The following SORCS3 variants were observed in gnomAD, a reference collection of about 807,000 sequenced individuals.
The protein encoded by SORCS3 is VPS10 domain-containing receptor SorCS3.
In SORCS3, 57 loss-of-function variants were observed where a neutral mutation model predicts 146.3. The ratio of observed to expected loss-of-function variants is 0.39; its 90% CI spans 0.31 to 0.49. The LOEUF is 0.49. Among genes scored for constraint, SORCS3 ranks in the 20% least tolerant of loss-of-function variants. The pLI, the probability that SORCS3 is intolerant of heterozygous loss-of-function variation, is 0.92. For missense variants in SORCS3, 1,341 were observed against 1,575.5 expected (o/e 0.85, Z 2.52); for synonymous variants, 653 against 618.5 (o/e 1.06, Z -0.83).
At chr10:105,039,451 C>T (rs1589604969) in intron 4 of SORCS3, among the ~76,000 whole-genome samples, 5 of 96,544 alleles carry the variant, frequency 5.2e-5, no homozygotes, top group South Asian at 3.9e-4. Context: ...CTCTCGCTCT[C>T]TTTTTTTTTT....
chr10:104,725,979 T>C (rs2016626466), intron 1 of SORCS3, among the ~76,000 whole-genome samples: 1 of 152,216 alleles, frequency 6.6e-6, no homozygotes, highest in Non-Finnish European at 1.5e-5. Flanking sequence ...CTGCACCCAC[T>C]GTCCTGTACC....
intron 4 of SORCS3, among the ~76,000 whole-genome samples, chr10:105,016,307 C>T (rs575995352): frequency 4.0e-4 from 61 of 151,026 alleles, no homozygotes; most frequent in African/African-American, 9.0e-4. Context: ...CACACCACCA[C>T]GCCCAGCTAA....
At chr10:104,662,458 T>C (rs1291114668) in intron 1 of SORCS3, among the ~76,000 whole-genome samples, 1 of 152,184 alleles carries the variant, frequency 6.6e-6, no homozygotes, top group East Asian at 1.9e-4. Flanking sequence ...ACCTGACCCA[T>C]GTCACAAAGC....
At chr10:105,023,071 C>T (rs1018495702) in intron 4 of SORCS3, among the ~76,000 whole-genome samples, 4 of 152,188 alleles carry the variant, frequency 2.6e-5, no homozygotes, top group African/African-American at 9.6e-5. Flanking sequence ...TGCCTCTTCT[C>T]AGGCTCACCT....
intron 2 of SORCS3, among the ~76,000 whole-genome samples, chr10:104,858,863 C>T (rs113162996): frequency 0.046 from 6,863 of 150,616 alleles, 187 homozygotes; most frequent in East Asian, 0.13. Flanking sequence ...CCTCGTGATC[C>T]GCCCCCCTCA....
intron 1 of SORCS3, among the ~76,000 whole-genome samples, chr10:104,664,320 G>T (rs563951083): frequency 1.3e-5 from 2 of 152,314 alleles, no homozygotes; most frequent in African/African-American, 4.8e-5. Flanking sequence ...ATCAACCCAG[G>T]AGGGCAGCAA....
chr10:104,773,023 G>A (rs1450880949), intron 1 of SORCS3, among the ~76,000 whole-genome samples: 1 of 152,180 alleles, frequency 6.6e-6, no homozygotes, highest in East Asian at 1.9e-4. Context: ...AGGCATGCTG[G>A]GTACTGTGGG....
At chr10:104,647,274 C>G (rs2015506627) in intron 1 of SORCS3, among the ~76,000 whole-genome samples, 1 of 152,182 alleles carries the variant, frequency 6.6e-6, no homozygotes, top group Admixed American at 6.5e-5. Context: ...AGGGCAGCGT[C>G]TTCATTGTCC....
At chr10:105,105,372 G>A (rs1041151263) in intron 6 of SORCS3, 25 bp from the exon 7 acceptor site, 8 of 1,505,118 alleles carry the variant, frequency 5.3e-6, no homozygotes, top group Admixed American at 3.4e-5. Flanking sequence ...TTGTATCTAA[G>A]CATCACTCTA....
intron 5 of SORCS3, among the ~76,000 whole-genome samples, chr10:105,084,756 A>G (rs1401685946): frequency 6.9e-6 from 1 of 143,888 alleles, no homozygotes; most frequent in East Asian, 2.0e-4. Flanking sequence ...TTTGAGATGG[A>G]GTCTCGCTCT....
At chr10:104,969,879 CAG>C (rs1179466583) in intron 3 of SORCS3, among the ~76,000 whole-genome samples, 1 of 152,074 alleles carries the variant, frequency 6.6e-6, no homozygotes, top group Admixed American at 6.6e-5. Context: ...CAGAAAGAAA[CAG>C]AGCTAGGGGA....
intron 1 of SORCS3, among the ~76,000 whole-genome samples, chr10:104,690,317 G>A (rs536840039): frequency 5.9e-4 from 90 of 152,306 alleles, no homozygotes; most frequent in South Asian, 1.7e-3. Context: ...TTCTGCTGCC[G>A]TGCTCCTCTC....
rs947450468 is a variant in SORCS3, at chr10:104,813,462, A to T, written c.628-29330A>T. ...TTTATGTACTAATATACTAATCTAC[A>T]TACTCAGTTCAGTGATGGGATCACA... On this transcript the variant is annotated intron_variant, in intron 1 of 26. Coordinates refer to ENST00000369701, the MANE Select transcript of SORCS3 (RefSeq NM_014978.3). Among the ~76,000 whole-genome samples, 19 of 152,198 alleles carry T rather than the reference A, an allele frequency of 1.2e-4. 1 individual carries two copies. Among genetic ancestry groups the T allele is most frequent in the Admixed American group, 9.2e-4 (14 of 15,286 alleles).
intron 1 of SORCS3, among the ~76,000 whole-genome samples, chr10:104,761,950 T>C (rs2017126522): frequency 6.6e-6 from 1 of 152,206 alleles, no homozygotes; most frequent in African/African-American, 2.4e-5. Context: ...ACACTGCTTG[T>C]GTGTGCTTTT....
At chr10:104,809,925 T>A (rs1246044609) in intron 1 of SORCS3, among the ~76,000 whole-genome samples, 1 of 152,222 alleles carries the variant, frequency 6.6e-6, no homozygotes, top group East Asian at 1.9e-4. Flanking sequence ...CTTTATTTGA[T>A]GTTCTCCTGA....
intron 1 of SORCS3, among the ~76,000 whole-genome samples, chr10:104,684,304 T>C (rs1031357556): frequency 1.3e-5 from 2 of 152,236 alleles, no homozygotes; most frequent in Non-Finnish European, 2.9e-5. Flanking sequence ...GGAATGGAGC[T>C]GTTATCATTC....
At chr10:105,251,111 G>A (rs536669919) in intron 22 of SORCS3, among the ~76,000 whole-genome samples, 1 of 152,236 alleles carries the variant, frequency 6.6e-6, no homozygotes, top group East Asian at 1.9e-4. Flanking sequence ...TTGTATACCC[G>A]AAACTGGGTA....
At chr10:104,688,115 C>T (rs146525096) in intron 1 of SORCS3, among the ~76,000 whole-genome samples, 30 of 152,346 alleles carry the variant, frequency 2.0e-4, no homozygotes, top group Middle Eastern at 3.4e-3. Context: ...TTAACTGGGT[C>T]TCCTGTACTT....
chr10:105,199,147 T>G (rs1477947906), intron 14 of SORCS3, among the ~76,000 whole-genome samples: 1 of 152,046 alleles, frequency 6.6e-6, no homozygotes, highest in Non-Finnish European at 1.5e-5. Flanking sequence ...GCATGATCGG[T>G]CTCCCCTTTA....
Sources: gnomAD v4.1 joint callset for allele counts (sites outside exome capture counted in the v4.1 genomes callset) on GRCh38, gnomAD v4.1.1 for gene constraint, MANE v1.5 for transcripts, NCBI Gene and HGNC (gene_info 2026-07-23, HGNC 2026-07-21) for gene names.